Variants in PLCH2 observed in about 807,000 individuals in gnomAD.
PLCH2 encodes phospholipase C eta 2, also known as 1-phosphatidylinositol 4,5-bisphosphate phosphodiesterase eta-2.
In PLCH2, 98 loss-of-function variants were observed where a neutral mutation model predicts 134.7. The observed-to-expected ratio is 0.73, with a 90% confidence interval of 0.62 to 0.86. The LOEUF (loss-of-function observed/expected upper bound fraction) is 0.86, where lower values mean the gene tolerates loss of function less well. Ranked by LOEUF, PLCH2 falls within the 40% of genes least tolerant of loss-of-function variation. PLCH2 has a pLI of 0.00. For synonymous variants in PLCH2, 974 were observed against 827.5 expected (o/e 1.18, Z -3.04); for missense variants, 1,994 against 1,986.6 (o/e 1.00, Z -0.07).
In PLCH2 at chr1:2,491,237, C is replaced by T; in HGVS notation, c.1561C>T (p.Leu521=). The part of the protein sequence containing the change: ...KRVENTAKRK[L]DSLIKESKIR... ...TGTAGAAAACACTGCTAAGAGGAAA[C>T]TGGATTCCCTCATCAAAGAGTCGAA... Residue 521 remains leucine, a synonymous_variant, in exon 11 of 22, where the codon CTG becomes TTG. Coordinates refer to ENST00000378486, the MANE Select transcript of PLCH2 (RefSeq NM_014638.4). 1 of 1,613,164 alleles carries T rather than the reference C, an allele frequency of 6.2e-7. No individual in the cohort carries two copies. The highest frequency in any genetic ancestry group is 8.5e-7 in the Non-Finnish European group (1 of 1,179,748).
rs1018611427 is a variant in PLCH2, at chr1:2,476,794, G to C, written c.124+82G>C. On this transcript the variant is annotated intron_variant, in intron 1 of 21. Coordinates refer to ENST00000378486, the MANE Select transcript of PLCH2 (RefSeq NM_014638.4). Reference sequence around the variant, plus strand: ...GTGGGTGGGGGCTGTTCCTGGAGGTGGGGGAAGCCTGGGCCTCCATCCCAT... The same window carrying C: ...GTGGGTGGGGGCTGTTCCTGGAGGTCGGGGAAGCCTGGGCCTCCATCCCAT... 33 of 1,408,828 alleles carry C rather than the reference G, an allele frequency of 2.3e-5. No homozygotes were observed. The African/African-American group carries it at 4.2e-4, about 18-fold the overall frequency. The allele number at this position is 1,408,828 out of a possible 1,614,324, so 87.3% of individuals were successfully genotyped here.
upstream of PLCH2, among the ~76,000 whole-genome samples, chr1:2,421,091 T>C (rs1166413999): frequency 1.3e-5 from 2 of 152,110 alleles, no homozygotes; most frequent in Non-Finnish European, 2.9e-5. Context: ...ATTACAGGCA[T>C]GCGCCACCAC....
chr1:2,426,994 A>T (rs1381709593), intron 1 of PLCH2, among the ~76,000 whole-genome samples: 1 of 152,188 alleles, frequency 6.6e-6, no homozygotes, highest in Non-Finnish European at 1.5e-5. Context: ...GTGGGCAGCC[A>T]GTGGCCCCTG....
chr1:2,455,098 G>A (rs1640425972), intron 2 of PLCH2, among the ~76,000 whole-genome samples: 1 of 152,202 alleles, frequency 6.6e-6, no homozygotes. Flanking sequence ...ATGATGCTGA[G>A]CCCCCAGCGG....
At chr1:2,502,463 C>A (rs959058912) in intron 21 of PLCH2, 54 bp downstream of exon 21, 1 of 1,497,976 alleles carries the variant, frequency 6.7e-7, no homozygotes, top group Admixed American at 2.0e-5. Flanking sequence ...GCGGCCCCCG[C>A]GTGTCCTGGA....
rs752216343 is a variant in PLCH2 at position 2,504,556 on chromosome 1, C to G, written c.3594C>G (p.Thr1198=). 6.2e-7 allele frequency: 1 copy of G among 1,612,714 alleles called. No homozygotes were observed. Among genetic ancestry groups the G allele is most frequent in the Non-Finnish European group, 8.5e-7 (1 of 1,179,786 alleles). Residue 1198 remains threonine, a synonymous_variant, in exon 22 of 22, where the codon ACC becomes ACG. Transcript: ENST00000378486. ...SAARPDLPPV[T]KSKSNPNLRA... ...CCCGCCCAGACCTGCCACCTGTGAC[C>G]AAGAGCAAATCCAACCCCAACCTTC... is the stretch of plus-strand genomic sequence containing the variant.
intron 1 of PLCH2, among the ~76,000 whole-genome samples, chr1:2,427,654 T>C (rs1438722252): frequency 1.3e-5 from 2 of 152,082 alleles, no homozygotes; most frequent in Non-Finnish European, 1.5e-5. Flanking sequence ...GATGGGAGGA[T>C]GTCAGAGGAG....
chr1:2,433,196 C>T (rs1639151231), intron 2 of PLCH2, among the ~76,000 whole-genome samples: 2 of 152,232 alleles, frequency 1.3e-5, no homozygotes, highest in Non-Finnish European at 2.9e-5. Context: ...GGCTCCCGGC[C>T]CCCGCTGTGT....
chr1:2,440,298 G>T (rs550563991), intron 2 of PLCH2, among the ~76,000 whole-genome samples: 1 of 152,304 alleles, frequency 6.6e-6, no homozygotes, highest in Admixed American at 6.5e-5. Context: ...TCTCGGGTGG[G>T]GGGCAGGCGG....
intron 2 of PLCH2, among the ~76,000 whole-genome samples, chr1:2,437,977 C>G (rs1639512805): frequency 6.6e-6 from 1 of 152,224 alleles, no homozygotes. Context: ...CTCTGCCACC[C>G]CACCCCAACT....
upstream of PLCH2, among the ~76,000 whole-genome samples, chr1:2,421,156 G>A (rs1037663188): frequency 6.6e-6 from 1 of 152,144 alleles, no homozygotes; most frequent in African/African-American, 2.4e-5. Context: ...CGTTGGCCAG[G>A]CTGGTCTCGA....
Position 2,505,165 on chromosome 1 carries a change from C to A in PLCH2, c.4203C>A (p.Leu1401=). 6.4e-7 allele frequency: 1 copy of A among 1,568,546 alleles called. No homozygotes were observed. Among genetic ancestry groups the A allele is most frequent in the Non-Finnish European group, 8.6e-7 (1 of 1,167,212 alleles). The change falls in exon 22 of 22, where the codon CTC becomes CTA. Residue 1401 remains leucine, a synonymous_variant. Coordinates refer to ENST00000378486, the MANE Select transcript of PLCH2 (RefSeq NM_014638.4). ...VDAPAPSKGA[L]GPASAAAENL... is the part of the protein sequence containing the mutation. ...CACCAGCACCCTCCAAGGGAGCCCT[C>A]GGGCCAGCATCCGCGGCTGCTGAAA...
intron 4 of PLCH2, among the ~76,000 whole-genome samples, chr1:2,483,428 C>T (rs1424067292): frequency 6.6e-6 from 1 of 152,200 alleles, no homozygotes; most frequent in Non-Finnish European, 1.5e-5. Flanking sequence ...AGGGCTGCCC[C>T]TGCCTGAAAT....
intron 2 of PLCH2, among the ~76,000 whole-genome samples, chr1:2,436,538 T>TC (rs1455364347): frequency 1.7e-4 from 4 of 23,164 alleles, no homozygotes; most frequent in Non-Finnish European, 1.3e-4. Flanking sequence ...TCCTCCTTCC[T>TC]CCCTCCTCCC....
intron 2 of PLCH2, among the ~76,000 whole-genome samples, chr1:2,440,208 T>C (rs551384434): frequency 1.6e-3 from 244 of 152,042 alleles, no homozygotes; most frequent in African/African-American, 5.8e-3. Context: ...AGATGGGGTC[T>C]GTGGGTATGG....
At chr1:2,443,707 C>A (rs1249041839) in intron 2 of PLCH2, among the ~76,000 whole-genome samples, 1 of 148,180 alleles carries the variant, frequency 6.7e-6, no homozygotes, top group Non-Finnish European at 1.5e-5. Flanking sequence ...CGGCGCGGGG[C>A]GGGCAGGGGG....
At position 2,478,394 on chromosome 1, in the gene PLCH2, G is replaced by A. The variant is rs1218618344; in HGVS notation, c.125-82G>A. On this transcript the variant is annotated intron_variant, in intron 1 of 21. Transcript: ENST00000378486. ...GGCCGTGTTTCTCCCGTGAGGAGTG[G>A]CCGTGCCTCCGCTGACGGCCGTGTC... 59 of 1,538,490 alleles carry A rather than the reference G, an allele frequency of 3.8e-5. 1 individual carries two copies. In the East Asian group the frequency reaches 1.3e-3, roughly 34 times the overall value.
rs527959850 is a variant in PLCH2, at chr1:2,448,657, C to G, written c.115+18028C>G. Reference sequence around the variant, plus strand: ...TGTGCTCCACCCCAGCACCCCCGCCCGAGGCAGGCCCTGGAGCTCACGCTG... The same window carrying G: ...TGTGCTCCACCCCAGCACCCCCGCCGGAGGCAGGCCCTGGAGCTCACGCTG... On this transcript the variant is annotated intron_variant, in intron 2 of 3. Coordinates refer to the PLCH2 transcript ENST00000609981. This position sits in a 1 kb window ranked among gnomAD's most constrained non-coding sequence, Gnocchi z 4.0. Among the ~76,000 whole-genome samples, 2 of 152,246 alleles carry G rather than the reference C, an allele frequency of 1.3e-5. No homozygotes were observed. Among genetic ancestry groups the G allele is most frequent in the East Asian group, 3.9e-4 (2 of 5,172 alleles).
intron 1 of PLCH2, among the ~76,000 whole-genome samples, chr1:2,427,140 G>A (rs1030893166): frequency 1.3e-5 from 2 of 152,180 alleles, no homozygotes; most frequent in Non-Finnish European, 2.9e-5. Context: ...GGGTAGCAGG[G>A]AAGTAGCAGG....
Sources: gnomAD v4.1 joint callset for allele counts (sites outside exome capture counted in the v4.1 genomes callset) on GRCh38, gnomAD v4.1.1 for gene constraint, Gnocchi (gnomAD v3.1) non-coding constraint, MANE v1.5 for transcripts, NCBI Gene and HGNC (gene_info 2026-07-23, HGNC 2026-07-21) for gene names.